Variants in PTPRF observed in about 807,000 individuals in gnomAD.
PTPRF encodes protein tyrosine phosphatase receptor type F, also known as receptor-type tyrosine-protein phosphatase F.
PTPRF carries 59 observed loss-of-function variants against 201.8 expected under a neutral mutation model. The observed-to-expected ratio is 0.29, with a 90% CI of 0.24 to 0.36. PTPRF has a LOEUF of 0.36. Ranked by LOEUF, PTPRF falls within the 10% of genes least tolerant of loss-of-function variation. PTPRF has a pLI of 1.00. For synonymous variants in PTPRF, 1,088 were observed against 1,089.7 expected, an observed-to-expected ratio of 1.00 and a Z score of 0.03; for missense variants, 2,132 against 2,690.5, an observed-to-expected ratio of 0.79 and a Z score of 4.59.
Position 43,619,706 on chromosome 1 carries a change from G to C in PTPRF, c.4959G>C (p.Thr1653=). The C allele has an allele frequency of 6.2e-7, 1 of 1,614,158 alleles. No individual in the cohort carries two copies. Among genetic ancestry groups the C allele is most frequent in the South Asian group, 1.1e-5 (1 of 91,088 alleles). Residue 1653 remains threonine (T), a synonymous_variant, in exon 29 of 34, where the codon ACG becomes ACC. Coordinates refer to ENST00000359947, the MANE Select transcript of PTPRF (RefSeq NM_002840.5). ...FKLLASSKAH[T]SRFISANLPC... ...TGCTGGCCAGCTCCAAGGCCCACAC[G>C]TCCCGCTTCATCAGCGCCAACCTGC...
intron 21 of PTPRF, among the ~76,000 whole-genome samples, chr1:43,607,465 C>T (rs564903107): frequency 2.6e-5 from 4 of 152,312 alleles, no homozygotes; most frequent in Middle Eastern, 3.4e-3. Context: ...CCGTGCCATC[C>T]GCAGCGGCCT....
At chr1:43,533,437 T>G (rs986121107) in intron 1 of PTPRF, among the ~76,000 whole-genome samples, 1 of 152,126 alleles carries the variant, frequency 6.6e-6, no homozygotes, top group Non-Finnish European at 1.5e-5. Context: ...TCCACCCTTT[T>G]TTCCATCAGC....
At chr1:43,533,367 C>G (rs1643800275) in intron 1 of PTPRF, among the ~76,000 whole-genome samples, 1 of 152,092 alleles carries the variant, frequency 6.6e-6, no homozygotes, top group Admixed American at 6.5e-5. Context: ...AGCTACACAT[C>G]TTTTACTGGG....
Position 43,606,913 on chromosome 1 carries a change from G to A in PTPRF, c.3802G>A (p.Val1268Met), listed in dbSNP as rs201841127. Residue 1268 changes from valine (V) to methionine (M), a missense_variant, in exon 21 of 34, where the codon GTG (valine) becomes ATG (methionine). By Grantham distance (21) the Val-to-Met change is conservative. Coordinates refer to ENST00000359947, the MANE Select transcript of PTPRF (RefSeq NM_002840.5). ...EPEMLWVTGP[V>M]LAVILIILIV... Reference sequence around the variant, plus strand: ...GGAGATGCTGTGGGTGACGGGTCCCGTGCTGGCAGTCATCCTCATCATCCT... The same window carrying A: ...GGAGATGCTGTGGGTGACGGGTCCCATGCTGGCAGTCATCCTCATCATCCT... 2.8e-5 allele frequency: 46 copies of A among 1,614,190 alleles called. No homozygotes were observed. Among genetic ancestry groups the A allele is most frequent in the Non-Finnish European group, 2.5e-5 (29 of 1,180,038 alleles).
At chr1:43,528,802 ATGGATC>A (rs1643226150), upstream of PTPRF, 1 of 152,214 alleles carries the variant, frequency 6.6e-6, no homozygotes, top group Admixed American at 6.5e-5. Context: ...TCTTAGTTAT[ATGGATC>A]TGGAGCTCAC....
rs116285334 is a variant in PTPRF, at chr1:43,600,903, C to T, written c.2314-1168C>T. Among the ~76,000 whole-genome samples, 514 of 152,190 alleles carry T rather than the reference C, an allele frequency of 3.4e-3. 3 individuals are homozygous for T. Among genetic ancestry groups the T allele is most frequent in the African/African-American group, 0.012 (483 of 41,518 alleles). On this transcript the variant is annotated intron_variant, in intron 13 of 33. Transcript: ENST00000359947. The stretch of plus-strand genomic sequence containing the variant: ...CCCTTCTTTCTTGCTCTGCCTCTAG[C>T]GCAGGACAGGGTCCATGTGATGTGA...
At chr1:43,602,185 T>C in intron 14 of PTPRF, 88 bp downstream of exon 14, 1 of 1,487,982 alleles carries the variant, frequency 6.7e-7, no homozygotes, top group East Asian at 2.3e-5. Context: ...CCTGCTAGCC[T>C]GCACTGCCAA....
At position 43,553,599 on chromosome 1, in the gene PTPRF, A is replaced by C. The variant is rs775187760; in HGVS notation, c.199A>C (p.Met67Leu). 1.4e-5 allele frequency: 23 copies of C among 1,614,048 alleles called. No homozygotes were observed. The African/African-American group carries it at 2.7e-4, about 19-fold the overall frequency. Residue 67 changes from methionine to leucine, a missense_variant, in exon 4 of 34, where the codon ATG becomes CTG. Around this residue, in one of 6 missense-constraint regions of PTPRF, gnomAD observed 297 missense variants for 454.0 expected, o/e 0.65. Transcript: ENST00000359947. This position sits in a 1 kb window ranked among gnomAD's most constrained non-coding sequence, Gnocchi z 4.1. ...AGAACCCAAGCCGCGCATCACATGG[A>C]TGAAGAAGGGGAAGAAAGTCAGCTC... is the stretch of plus-strand genomic sequence containing the variant. Reference protein sequence around the residue: ...TGEPKPRITWMKKGKKVSSQR... With the variant: ...TGEPKPRITWLKKGKKVSSQR...
At chr1:43,608,953 A>G (rs1469652168) in intron 21 of PTPRF, among the ~76,000 whole-genome samples, 1 of 151,728 alleles carries the variant, frequency 6.6e-6, no homozygotes, top group South Asian at 2.1e-4. Flanking sequence ...ATTTACCCTG[A>G]TACTCTGAGG....
chr1:43,565,727 G>A (rs1229469428), intron 5 of PTPRF, among the ~76,000 whole-genome samples: 9 of 152,108 alleles, frequency 5.9e-5, no homozygotes, highest in Admixed American at 2.0e-4. Context: ...GGTGAAGCGG[G>A]AAAGCCTAGT....
chr1:43,545,026 T>G lies in PTPRF; in HGVS notation c.-45-5T>G. On this transcript the variant is annotated splice_region_variant and splice_polypyrimidine_tract_variant and intron_variant, in intron 2 of 33. Transcript: ENST00000359947. ...TAACTGGCTCTGCCCTTCTCTCCAT[T>G]ACAGGTTGATTGTCCTGGGCTGTGG... 1 of 1,498,408 alleles carries G rather than the reference T, an allele frequency of 6.7e-7. No homozygotes were observed. Among genetic ancestry groups the G allele is most frequent in the Non-Finnish European group, 9.1e-7 (1 of 1,103,914 alleles). The allele number at this position is 1,498,408 out of a possible 1,614,324, so 92.8% of individuals were successfully genotyped here.
chr1:43,553,686 C>T lies in PTPRF; in HGVS notation c.237+49C>T. On this transcript the variant is annotated intron_variant, in intron 4 of 33. Transcript: ENST00000359947. The surrounding 1 kb of genome is among the most constrained non-coding windows in gnomAD (Gnocchi z 4.1). ...CGGCAGGGCTCAGGGTCTGCCCACA[C>T]TCTCTCCTTTCAGTGTCCCTCCTCA... 6.2e-7 allele frequency: 1 copy of T among 1,610,964 alleles called. No individual in the cohort carries two copies. Among genetic ancestry groups the T allele is most frequent in the African/African-American group, 1.3e-5 (1 of 75,022 alleles).
At chr1:43,587,356 G>A (rs1199463468) in intron 7 of PTPRF, among the ~76,000 whole-genome samples, 1 of 152,214 alleles carries the variant, frequency 6.6e-6, no homozygotes, top group Non-Finnish European at 1.5e-5. Flanking sequence ...TTTGGTGGTG[G>A]CAGTTGCCTG....
Position 43,553,661 on chromosome 1 carries a change from C to G in PTPRF, c.237+24C>G, listed in dbSNP as rs1386387258. ...AGGTGCGTCTGTGGTGGGAAGGGGTCGGCAGGGCTCAGGGTCTGCCCACAC... is the reference window on the plus strand; with the variant it reads ...AGGTGCGTCTGTGGTGGGAAGGGGTGGGCAGGGCTCAGGGTCTGCCCACAC... On this transcript the variant is annotated intron_variant, in intron 4 of 33. Coordinates refer to ENST00000359947, the MANE Select transcript of PTPRF (RefSeq NM_002840.5). The surrounding 1 kb of genome is among the most constrained non-coding windows in gnomAD (Gnocchi z 4.1). 1 of 1,613,364 alleles carries G rather than the reference C, an allele frequency of 6.2e-7. No individual in the cohort carries two copies. Among genetic ancestry groups the G allele is most frequent in the Non-Finnish European group, 8.5e-7 (1 of 1,179,672 alleles).
intron 5 of PTPRF, among the ~76,000 whole-genome samples, chr1:43,565,238 C>G (rs1181341511): frequency 6.6e-6 from 1 of 152,148 alleles, no homozygotes; most frequent in South Asian, 2.1e-4. Flanking sequence ...TAGCCAAGCG[C>G]TCATCCACTT....
intron 5 of PTPRF, among the ~76,000 whole-genome samples, chr1:43,568,155 C>T (rs939703617): frequency 5.9e-5 from 9 of 152,064 alleles, no homozygotes; most frequent in Non-Finnish European, 8.8e-5. Flanking sequence ...ATTTGCCGGG[C>T]GTGGTGGTGG....
At chr1:43,619,004 AG>A in intron 26 of PTPRF, 43 bp from the exon 27 acceptor site, 1 of 1,596,450 alleles carries the variant, frequency 6.3e-7, no homozygotes, top group Non-Finnish European at 8.6e-7. Flanking sequence ...AGTCTATGGC[AG>A]GTAGGCTCCT....
chr1:43,605,156 CA>C, intron 17 of PTPRF, 33 bp from the exon 18 acceptor site: 1 of 1,579,874 alleles, frequency 6.3e-7, no homozygotes, highest in Non-Finnish European at 8.6e-7. Context: ...GAACCTCACC[CA>C]AAGGCATTGA....
chr1:43,568,392 C>T (rs983996530), intron 5 of PTPRF, among the ~76,000 whole-genome samples: 3 of 152,140 alleles, frequency 2.0e-5, no homozygotes, highest in African/African-American at 7.2e-5. Context: ...CGACTCTAGT[C>T]TCAATACCTG....
Sources: allele counts gnomAD v4.1 joint callset (sites outside exome capture counted in the v4.1 genomes callset), GRCh38; gene constraint gnomAD v4.1.1; regional missense constraint gnomAD v4.1.1; non-coding constraint Gnocchi (gnomAD v3.1); transcripts MANE v1.5; gene names NCBI Gene and HGNC (gene_info 2026-07-23, HGNC 2026-07-21).